The following LINC00632 variants were observed in gnomAD, a reference collection of about 807,000 sequenced individuals.
LINC00632 encodes long independently transcribed non-coding RNA 632.
At position 140,783,488 on chromosome X, in the gene LINC00632, A is replaced by G. The variant is rs753244070; in HGVS notation, n.11507A>G. 2.5e-4 allele frequency: 230 copies of G among 911,423 alleles called. No homozygotes were observed. The African/African-American group carries it at 4.0e-3, about 16-fold the overall frequency. 75.1% of individuals were successfully genotyped at this position (911,423 alleles called of 1,213,427 possible). On this transcript the variant is annotated non_coding_transcript_exon_variant, in exon 5 of 5. Transcript: ENST00000648200. ...AATTTCAAGGTCTTCCATCAAATAC[A>G]GATCTTCCAGCTAATCCATGTCTTC...
intron 3 of LINC00632, among the ~76,000 whole-genome samples, chrX:140,763,188 G>C (rs977803454): frequency 3.6e-5 from 4 of 111,368 alleles, no homozygotes; most frequent in Non-Finnish European, 7.5e-5. Flanking sequence ...CTGAGGTCAG[G>C]AGTTCAAAAC....
intron 3 of LINC00632, among the ~76,000 whole-genome samples, chrX:140,743,224 CAAAAAAAAAAAAAAAAAAAAAA>C (rs58322122): frequency 1.4e-4 from 6 of 44,354 alleles, no homozygotes; most frequent in African/African-American, 3.1e-4. Flanking sequence ...AACGCTGTCT[CAAAAAAAAAAAAAAAAAAAAAA>C]AAAAAAAAAA....
exon 5 of LINC00632, among the ~76,000 whole-genome samples, chrX:140,788,905 A>T (rs868356228): frequency 2.4e-4 from 1 of 4,124 alleles, no homozygotes; most frequent in Non-Finnish European, 4.7e-4. Flanking sequence ...ATATGTGTAT[A>T]TATATATATG....
intron 3 of LINC00632, among the ~76,000 whole-genome samples, chrX:140,758,889 C>T (rs1569354121): frequency 9.0e-6 from 1 of 110,742 alleles, no homozygotes; most frequent in Non-Finnish European, 1.9e-5. Context: ...ACACACAACT[C>T]ACCTCAGCCT....
chrX:140,768,831 T>C (rs2148399857), intron 3 of LINC00632, among the ~76,000 whole-genome samples: 1 of 102,543 alleles, frequency 9.8e-6, no homozygotes, highest in Non-Finnish European at 1.9e-5. Flanking sequence ...GTATATATTA[T>C]ATATATATTT....
chrX:140,769,799 C>T (rs1375160647), intron 3 of LINC00632, among the ~76,000 whole-genome samples: 1 of 111,325 alleles, frequency 9.0e-6, no homozygotes, highest in Non-Finnish European at 1.9e-5. Flanking sequence ...CTTCCACCTG[C>T]TTGCCTTCTC....
intron 3 of LINC00632, among the ~76,000 whole-genome samples, chrX:140,763,948 C>T (rs1392844867): frequency 9.0e-6 from 1 of 111,041 alleles, no homozygotes; most frequent in Non-Finnish European, 1.9e-5. Flanking sequence ...TAAAATCCTC[C>T]CAGGCTGGCG....
At chrX:140,744,865 G>A (rs931946366) in intron 3 of LINC00632, among the ~76,000 whole-genome samples, 1 of 110,596 alleles carries the variant, frequency 9.0e-6, no homozygotes, top group African/African-American at 3.3e-5. Flanking sequence ...TTACAGGCAT[G>A]AGCCACCGCA....
chrX:140,766,567 G>T (rs1931695279), intron 3 of LINC00632, among the ~76,000 whole-genome samples: 1 of 112,061 alleles, frequency 8.9e-6, no homozygotes, highest in African/African-American at 3.2e-5. Context: ...AAGTTGATTT[G>T]TGAATTTATA....
At chrX:140,758,964 C>CTTTTTTTT (rs146312064) in intron 3 of LINC00632, among the ~76,000 whole-genome samples, 2 of 78,971 alleles carry the variant, frequency 2.5e-5, no homozygotes, top group African/African-American at 4.8e-5. Context: ...CTTTTCTTTT[C>CTTTTTTTT]TTTTTTTTTT....
At chrX:140,725,032 TAC>T (rs780472713) in intron 2 of LINC00632, among the ~76,000 whole-genome samples, 222 of 12,357 alleles carry the variant, frequency 0.018, no homozygotes, top group African/African-American at 0.046. Flanking sequence ...ACACATTCCA[TAC>T]ACACACACAG....
chrX:140,725,200 C>A lies in LINC00632; in HGVS notation n.105-8678C>A, dbSNP rs753337164. On this transcript the variant is annotated intron_variant and non_coding_transcript_variant, in intron 2 of 4. Transcript: ENST00000648200. ...CACAGACACACATTCCATACACACA[C>A]AAACACATTCCGTACACATACTCAG... 2.3e-4 allele frequency among the ~76,000 whole-genome samples: 21 copies of A among 92,204 alleles called. No homozygotes were observed. The South Asian group carries it at 9.0e-3, about 40-fold the overall frequency. 80.1% of individuals were successfully genotyped at this position (92,204 alleles called of 115,157 possible).
At chrX:140,741,470 GT>G (rs1210448868) in intron 3 of LINC00632, among the ~76,000 whole-genome samples, 1 of 112,151 alleles carries the variant, frequency 8.9e-6, no homozygotes, top group Non-Finnish European at 1.9e-5. Flanking sequence ...GGGTTAGAGG[GT>G]TTGGAAGAGA....
chrX:140,741,186 T>C (rs1334103516), intron 3 of LINC00632, among the ~76,000 whole-genome samples: 1 of 112,057 alleles, frequency 8.9e-6, no homozygotes, highest in Non-Finnish European at 1.9e-5. Flanking sequence ...CCTGCAACAG[T>C]TGAAACAGTA....
intron 2 of LINC00632, among the ~76,000 whole-genome samples, chrX:140,716,806 CACACACACAG>C (rs1325619072): frequency 3.6e-5 from 4 of 109,890 alleles, no homozygotes; most frequent in Non-Finnish European, 5.7e-5. Context: ...CACACACACA[CACACACACAG>C]ACACACACAC....
chrX:140,767,876 TCCATTCCCATGAAATG>T (rs941712484), intron 3 of LINC00632, among the ~76,000 whole-genome samples: 7 of 111,944 alleles, frequency 6.3e-5, no homozygotes, highest in African/African-American at 1.6e-4. Flanking sequence ...TTGTAAGGAA[TCCATTCCCATGAAATG>T]CCATTCCCAT....
intron 3 of LINC00632, among the ~76,000 whole-genome samples, chrX:140,762,214 AGAG>A (rs1569354599): frequency 2.4e-3 from 188 of 79,302 alleles, no homozygotes; most frequent in African/African-American, 8.8e-3. Context: ...TCGAAAAGAG[AGAG>A]AGAGAGAGAG....
At chrX:140,722,877 C>T (rs1319126702) in intron 2 of LINC00632, among the ~76,000 whole-genome samples, 1 of 110,180 alleles carries the variant, frequency 9.1e-6, no homozygotes, top group East Asian at 2.8e-4. Flanking sequence ...TGGAGAAACC[C>T]CGTCTCTACT....
chrX:140,790,642 C>A (rs1379107870), exon 5 of LINC00632, among the ~76,000 whole-genome samples: 3 of 110,841 alleles, frequency 2.7e-5, no homozygotes, highest in Non-Finnish European at 5.7e-5. Flanking sequence ...CAAGAACTGC[C>A]ATCTTTATGA....
Sources: gnomAD v4.1 joint callset for allele counts (sites outside exome capture counted in the v4.1 genomes callset) on GRCh38, gnomAD v4.1.1 for gene constraint, MANE v1.5 for transcripts, NCBI Gene and HGNC (gene_info 2026-07-23, HGNC 2026-07-21) for gene names.